GRIK2: variants seen among roughly 807,000 people sequenced by gnomAD.
GRIK2 encodes the protein glutamate ionotropic receptor kainate type subunit 2.
A neutral mutation model predicts 100.3 loss-of-function variants in GRIK2; 32 were observed. The observed-to-expected ratio is 0.32, with a 90% CI of 0.24 to 0.43. GRIK2 has a LOEUF of 0.43. Among genes scored for constraint, GRIK2 ranks in the 20% least tolerant of loss-of-function variants. GRIK2 has a pLI of 1.00. For synonymous variants in GRIK2, 417 were observed against 389.4 expected (o/e 1.07, Z -0.83); for missense variants, 843 against 1,114.9 (o/e 0.76, Z 3.47).
At chr6:101,934,203 A>G (rs1176478793) in intron 14 of GRIK2, among the ~76,000 whole-genome samples, 1 of 151,942 alleles carries the variant, frequency 6.6e-6, no homozygotes, top group Non-Finnish European at 1.5e-5. Flanking sequence ...AATGCATAGT[A>G]TCACAATAAA....
intron 2 of GRIK2, among the ~76,000 whole-genome samples, chr6:101,592,120 T>G (rs2128306937): frequency 6.6e-6 from 1 of 152,108 alleles, no homozygotes; most frequent in South Asian, 2.1e-4. Flanking sequence ...ATGCCCTCAC[T>G]AGGAGCAGAT....
intron 4 of GRIK2, among the ~76,000 whole-genome samples, chr6:101,632,629 T>TTGATTTC (rs1780815166): frequency 6.6e-6 from 1 of 152,158 alleles, no homozygotes; most frequent in African/African-American, 2.4e-5. Flanking sequence ...CAACTGCAGT[T>TTGATTTC]AAACATATAT....
At chr6:101,624,764 G>T (rs1780352178) in intron 3 of GRIK2, among the ~76,000 whole-genome samples, 2 of 151,754 alleles carry the variant, frequency 1.3e-5, no homozygotes, top group African/African-American at 4.8e-5. Context: ...CACAGTTTTG[G>T]TCTGGCACCC....
At chr6:101,714,637 G>A (rs186435017) in intron 7 of GRIK2, among the ~76,000 whole-genome samples, 3 of 151,796 alleles carry the variant, frequency 2.0e-5, no homozygotes, top group African/African-American at 7.2e-5. Context: ...TTGTTCTCAC[G>A]TTCTCATGTA....
chr6:101,832,184 C>T (rs2791812), intron 10 of GRIK2, among the ~76,000 whole-genome samples: 44,853 of 151,746 alleles, frequency 0.3, 9,377 homozygotes, highest in East Asian at 0.68. Flanking sequence ...ATTTCTGAAA[C>T]TTTTCTAAAT....
At chr6:101,930,740 C>A (rs1790216178) in intron 14 of GRIK2, among the ~76,000 whole-genome samples, 1 of 151,678 alleles carries the variant, frequency 6.6e-6, no homozygotes, top group Non-Finnish European at 1.5e-5. Context: ...TTCTTTCGTT[C>A]TTTTTTTAAT....
chr6:101,975,839 C>CTATCTATCTATCTATCTA (rs1269650216), intron 14 of GRIK2, among the ~76,000 whole-genome samples: 2 of 151,836 alleles, frequency 1.3e-5, no homozygotes, highest in African/African-American at 4.8e-5. Context: ...ATCTATCTAT[C>CTATCTATCTATCTATCTA]TATCTATCCC....
At chr6:101,998,682 A>C (rs1794770538) in intron 14 of GRIK2, among the ~76,000 whole-genome samples, 2 of 152,024 alleles carry the variant, frequency 1.3e-5, no homozygotes, top group Admixed American at 1.3e-4. Flanking sequence ...GTTTTTGCTT[A>C]ATTTTCCTTA....
intron 4 of GRIK2, among the ~76,000 whole-genome samples, chr6:101,651,004 C>CTTTTTTTT (rs3056156): frequency 1.7e-5 from 2 of 119,500 alleles, no homozygotes; most frequent in Non-Finnish European, 3.6e-5. Context: ...CTTTCTTTTT[C>CTTTTTTTT]TTTTTTTTTT....
chr6:101,842,339 T>G (rs1374983552), intron 10 of GRIK2, among the ~76,000 whole-genome samples: 1 of 152,180 alleles, frequency 6.6e-6, no homozygotes, highest in African/African-American at 2.4e-5. Flanking sequence ...TAATTCATAC[T>G]CATTCTACTC....
intron 10 of GRIK2, among the ~76,000 whole-genome samples, chr6:101,833,893 A>G (rs537725636): frequency 2.0e-3 from 297 of 152,244 alleles, no homozygotes; most frequent in Non-Finnish European, 3.0e-3. Flanking sequence ...CTTCATTTAA[A>G]TGAAGATGAA....
chr6:101,901,282 G>C (rs924913791), intron 12 of GRIK2, among the ~76,000 whole-genome samples: 9 of 151,644 alleles, frequency 5.9e-5, no homozygotes, highest in Admixed American at 2.0e-4. Context: ...GGACAATTGG[G>C]TGTTTTAGAA....
intron 2 of GRIK2, among the ~76,000 whole-genome samples, chr6:101,434,986 G>A (rs1562135550): frequency 6.6e-6 from 1 of 152,132 alleles, no homozygotes; most frequent in Non-Finnish European, 1.5e-5. Context: ...GAGAGATTTA[G>A]GTTGCACAAA....
intron 14 of GRIK2, among the ~76,000 whole-genome samples, chr6:101,941,691 T>C (rs1790963626): frequency 6.6e-6 from 1 of 152,136 alleles, no homozygotes; most frequent in Non-Finnish European, 1.5e-5. Flanking sequence ...TCAATTATGA[T>C]TAGTTTGTTA....
intron 2 of GRIK2, among the ~76,000 whole-genome samples, chr6:101,487,241 C>T (rs950946160): frequency 6.9e-6 from 1 of 145,736 alleles, no homozygotes; most frequent in Non-Finnish European, 1.5e-5. Context: ...TTACAATATC[C>T]CAGGCTATTT....
chr6:101,839,604 T>C (rs1783370624), intron 10 of GRIK2, among the ~76,000 whole-genome samples: 1 of 152,190 alleles, frequency 6.6e-6, no homozygotes, highest in Non-Finnish European at 1.5e-5. Flanking sequence ...CTTTTAGTTT[T>C]GAAGGTGGAA....
intron 1 of GRIK2, among the ~76,000 whole-genome samples, chr6:101,396,246 C>CTT (rs761803170): frequency 0.03 from 4,454 of 147,370 alleles, 97 homozygotes; most frequent in East Asian, 0.05. Flanking sequence ...TAGCATTCCC[C>CTT]CCCCCCCCAG....
At chr6:101,855,340 TAA>T (rs936926125) in intron 10 of GRIK2, among the ~76,000 whole-genome samples, 9 of 152,140 alleles carry the variant, frequency 5.9e-5, no homozygotes, top group Non-Finnish European at 1.2e-4. Flanking sequence ...CATCAAAAGA[TAA>T]ATAAACAAAA....
chr6:101,394,702 A>G (rs1241393397), intron 1 of GRIK2, among the ~76,000 whole-genome samples: 1 of 152,206 alleles, frequency 6.6e-6, no homozygotes, highest in African/African-American at 2.4e-5. Context: ...ACTGAAATAA[A>G]TGCAATTGTA....
Sources: allele counts gnomAD v4.1 joint callset (sites outside exome capture counted in the v4.1 genomes callset), GRCh38; gene constraint gnomAD v4.1.1; transcripts MANE v1.5; gene names NCBI Gene and HGNC (gene_info 2026-07-23, HGNC 2026-07-21).